The following UXS1 variants were observed in gnomAD, a reference collection of about 807,000 sequenced individuals.
UXS1 encodes UDP-glucuronate decarboxylase 1, also known as UDP-glucuronic acid decarboxylase 1.
In UXS1, 33 loss-of-function variants were observed where a neutral mutation model predicts 62.6. The ratio of observed to expected loss-of-function variants is 0.53; its 90% CI spans 0.40 to 0.70. UXS1 has a LOEUF of 0.70. Ranked by LOEUF, UXS1 falls within the 30% of genes least tolerant of loss-of-function variation. The pLI is 0.00. For synonymous variants in UXS1, 213 were observed against 206.8 expected, an observed-to-expected ratio of 1.03 and a Z score of -0.26; for missense variants, 434 against 556.3, an observed-to-expected ratio of 0.78 and a Z score of 2.21.
At chr2:106,145,495 A>G in intron 5 of UXS1, 125 bp from the exon 6 acceptor site, 1 of 1,227,232 alleles carries the variant, frequency 8.1e-7, no homozygotes, top group East Asian at 2.6e-5. Flanking sequence ...AAGGCGGGGA[A>G]GGAAGACAGC....
chr2:106,148,592 T>C (rs1681768525), intron 5 of UXS1, among the ~76,000 whole-genome samples: 1 of 152,226 alleles, frequency 6.6e-6, no homozygotes, highest in Non-Finnish European at 1.5e-5. Context: ...GCACCTTAGC[T>C]TGACTAAAAT....
intron 14 of UXS1, 145 bp downstream of exon 14, chr2:106,096,573 T>C: frequency 1.6e-6 from 1 of 618,878 alleles, no homozygotes; most frequent in Non-Finnish European, 2.7e-6. Context: ...TGTTTACCAC[T>C]TGGAGAAAAC....
chr2:106,121,604 T>C (rs558328581), intron 9 of UXS1, among the ~76,000 whole-genome samples: 5 of 152,306 alleles, frequency 3.3e-5, no homozygotes, highest in East Asian at 1.9e-4. Flanking sequence ...TGAGTCAAGA[T>C]ATTCTGGGCC....
At chr2:106,168,566 T>G (rs1683351595) in intron 1 of UXS1, among the ~76,000 whole-genome samples, 1 of 152,224 alleles carries the variant, frequency 6.6e-6, no homozygotes, top group African/African-American at 2.4e-5. Flanking sequence ...GGGGTCCGGA[T>G]CGGGACCCCT....
intron 13 of UXS1, among the ~76,000 whole-genome samples, chr2:106,097,988 A>G (rs760532557): frequency 1.4e-4 from 22 of 152,234 alleles, no homozygotes; most frequent in African/African-American, 2.2e-4. Flanking sequence ...GGAAGGGCAC[A>G]CTGGAGGAAT....
intron 9 of UXS1, among the ~76,000 whole-genome samples, chr2:106,117,941 C>CA (rs1679191668): frequency 6.6e-6 from 1 of 152,224 alleles, no homozygotes; most frequent in Non-Finnish European, 1.5e-5. Context: ...GAAGGGGGTC[C>CA]AGGAGGGGTG....
At position 106,173,115 on chromosome 2, in the gene UXS1, A is replaced by G. The variant is rs981356078; in HGVS notation, c.95-7032T>C. On this transcript the variant is annotated intron_variant, in intron 1 of 14. Transcript: ENST00000283148. ...CTGTTTGTGCCCAATAAAAAAATGT[A>G]AGCTCCACAGCAGCAACAATTTTGT... Among the ~76,000 whole-genome samples the G allele has an allele frequency of 5.3e-5, 8 of 152,346 alleles. No individual in the cohort carries two copies. The South Asian group carries it at 1.7e-3, about 32-fold the overall frequency.
intron 1 of UXS1, among the ~76,000 whole-genome samples, chr2:106,173,453 C>A (rs778393405): frequency 6.6e-6 from 1 of 152,146 alleles, no homozygotes; most frequent in Non-Finnish European, 1.5e-5. Context: ...ACTCAGGAAG[C>A]TGAGGTGGGA....
At chr2:106,123,950 G>A (rs1337601555) in intron 8 of UXS1, among the ~76,000 whole-genome samples, 1 of 152,200 alleles carries the variant, frequency 6.6e-6, no homozygotes, top group African/African-American at 2.4e-5. Context: ...GCCTGAGCAG[G>A]TGCAGGGAGG....
intron 1 of UXS1, among the ~76,000 whole-genome samples, chr2:106,188,417 C>G (rs1356277941): frequency 6.6e-6 from 1 of 152,194 alleles, no homozygotes; most frequent in East Asian, 1.9e-4. Context: ...GTGGAGGCAG[C>G]AGAGACAGGA....
At chr2:106,096,985 T>G in intron 13 of UXS1, 164 bp from the exon 14 acceptor site, 1 of 754,098 alleles carries the variant, frequency 1.3e-6, no homozygotes, top group Non-Finnish European at 2.3e-6. Flanking sequence ...GGGACTGTTC[T>G]GCGTGGAAGT....
intron 6 of UXS1, among the ~76,000 whole-genome samples, chr2:106,139,625 C>T (rs561458309): frequency 6.6e-6 from 1 of 152,284 alleles, no homozygotes; most frequent in Non-Finnish European, 1.5e-5. Context: ...TTTTCTTCTA[C>T]CAAAGGGGAA....
chr2:106,109,960 C>T (rs566145337), intron 10 of UXS1, among the ~76,000 whole-genome samples: 133 of 152,350 alleles, frequency 8.7e-4, no homozygotes, highest in Admixed American at 2.9e-3. Flanking sequence ...CCTTATTTCC[C>T]TTCCTCAGTA....
intron 5 of UXS1, 38 bp downstream of exon 5, chr2:106,158,020 C>T: frequency 6.7e-7 from 1 of 1,495,040 alleles, no homozygotes. Flanking sequence ...AAGAAAGTTT[C>T]TTAATATTAC....
At position 106,106,091 on chromosome 2, in the gene UXS1, G is replaced by A. The variant is rs140899493; in HGVS notation, c.880-1254C>T. ...AAGAAAAGCACACGCATGGCCTGGC[G>A]CGGTGGCTCAAGCCTGTAATCCCAG... is the stretch of plus-strand genomic sequence containing the variant. On this transcript the variant is annotated intron_variant, in intron 10 of 14. Transcript: ENST00000283148. Among the ~76,000 whole-genome samples the A allele has an allele frequency of 1.4e-4, 21 of 152,254 alleles. No homozygotes were observed. The South Asian group carries it at 1.9e-3, about 14-fold the overall frequency.
chr2:106,094,187 C>T (rs765616979), intron 14 of UXS1, 30 bp from the exon 15 acceptor site: 1 of 1,414,202 alleles, frequency 7.1e-7, no homozygotes, highest in South Asian at 1.2e-5. Flanking sequence ...GAAAGGGAGA[C>T]AAGGTCACAT....
At chr2:106,146,017 G>T (rs1438044039) in intron 5 of UXS1, among the ~76,000 whole-genome samples, 1 of 152,218 alleles carries the variant, frequency 6.6e-6, no homozygotes, top group Non-Finnish European at 1.5e-5. Context: ...TGAGGCAGCT[G>T]TGAGGGGTCT....
At chr2:106,179,042 T>C (rs538207050) in intron 1 of UXS1, among the ~76,000 whole-genome samples, 1 of 152,284 alleles carries the variant, frequency 6.6e-6, no homozygotes, top group Admixed American at 6.5e-5. Flanking sequence ...ACCTTTGCTC[T>C]GTGCAGCAAA....
At chr2:106,146,065 C>A (rs1025464934) in intron 5 of UXS1, among the ~76,000 whole-genome samples, 18 of 152,176 alleles carry the variant, frequency 1.2e-4, no homozygotes, top group African/African-American at 3.9e-4. Context: ...TAGACCCCTG[C>A]AAAGGTGAAA....
Sources: gnomAD v4.1 joint callset for allele counts (sites outside exome capture counted in the v4.1 genomes callset) on GRCh38, gnomAD v4.1.1 for gene constraint, MANE v1.5 for transcripts, NCBI Gene and HGNC (gene_info 2026-07-23, HGNC 2026-07-21) for gene names.